The following PLCH1 variants were observed in gnomAD, a reference collection of about 807,000 sequenced individuals.
PLCH1 encodes 1-phosphatidylinositol 4,5-bisphosphate phosphodiesterase eta-1.
A neutral mutation model predicts 126.7 loss-of-function variants in PLCH1; 60 were observed. That is an observed-to-expected ratio of 0.47 (90% CI 0.38 to 0.59). The LOEUF is 0.59. Among genes scored for constraint, PLCH1 ranks in the 20% least tolerant of loss-of-function variants. The probability of loss-of-function intolerance (pLI) is 0.00; values close to 1 mark genes in which losing one functional copy is unlikely to be tolerated. For synonymous variants in PLCH1, 719 were observed against 734.9 expected (o/e 0.98, Z 0.35); for missense variants, 1,723 against 2,040.0 (o/e 0.84, Z 2.99).
chr3:155,504,753 C>T, intron 12 of PLCH1, 127 bp from the exon 13 acceptor site: 1 of 633,690 alleles, frequency 1.6e-6, no homozygotes, highest in Non-Finnish European at 2.8e-6. Context: ...AACAAGCAGA[C>T]TCCACTCATT....
At chr3:155,738,787 CAAAA>C (rs34836979) in intron 1 of PLCH1, among the ~76,000 whole-genome samples, 1 of 119,788 alleles carries the variant, frequency 8.3e-6, no homozygotes. Flanking sequence ...ACTCCACCTC[CAAAA>C]AAAAAAAAAA....
At chr3:155,469,664 T>G (rs530780691) in intron 21 of PLCH1, among the ~76,000 whole-genome samples, 1 of 152,034 alleles carries the variant, frequency 6.6e-6, no homozygotes, top group African/African-American at 2.4e-5. Context: ...CTCTGCAGAC[T>G]TAAATGTCCC....
chr3:155,578,419 C>T (rs1250148196), intron 6 of PLCH1, among the ~76,000 whole-genome samples: 1 of 152,068 alleles, frequency 6.6e-6, no homozygotes, highest in Non-Finnish European at 1.5e-5. Flanking sequence ...GATTATGATA[C>T]TAAGGTAAAG....
intron 2 of PLCH1, among the ~76,000 whole-genome samples, chr3:155,641,993 A>T (rs1159812300): frequency 6.6e-6 from 1 of 152,206 alleles, no homozygotes; most frequent in African/African-American, 2.4e-5. Flanking sequence ...TCCCAGTTGT[A>T]AGAAATAGTG....
chr3:155,727,972 C>T (rs1160646202), intron 1 of PLCH1, among the ~76,000 whole-genome samples: 1 of 152,052 alleles, frequency 6.6e-6, no homozygotes, highest in Non-Finnish European at 1.5e-5. Context: ...CAAAAGGCCC[C>T]TTCTCAGATG....
Position 155,568,231 on chromosome 3 carries a change from C to A in PLCH1, c.865G>T (p.Gly289Cys). The change falls in exon 7 of 23, where the codon GGC becomes TGC. Residue 289 changes from glycine to cysteine, a missense_variant and splice_region_variant. Physicochemically the swap from Gly to Cys is radical, Grantham distance 159. Coordinates refer to ENST00000460012, the MANE Select transcript of PLCH1 (RefSeq NM_014996.4). The stretch of plus-strand genomic sequence containing the variant: ...AAATAAAGAATATTGGTTATTTTAC[C>A]TTCTATGCCAAGAACATTTTTCACC... ...NKVKNVLGIEGFTNFMRSPAC... is the reference protein window; with the variant it reads ...NKVKNVLGIECFTNFMRSPAC... The A allele has an allele frequency of 7.8e-7, 1 of 1,283,760 alleles. No homozygotes were observed. The highest frequency in any genetic ancestry group is 1.1e-6 in the Non-Finnish European group (1 of 885,038). The allele number at this position is 1,283,760 out of a possible 1,614,324, so 79.5% of individuals were successfully genotyped here.
chr3:155,526,884 A>G (rs1431649303), intron 10 of PLCH1, among the ~76,000 whole-genome samples: 2 of 152,266 alleles, frequency 1.3e-5, no homozygotes, highest in African/African-American at 4.8e-5. Flanking sequence ...GGGGCAGAAC[A>G]AATCCACTGA....
At chr3:155,608,487 G>A (rs1033806365) in intron 2 of PLCH1, among the ~76,000 whole-genome samples, 5 of 151,542 alleles carry the variant, frequency 3.3e-5, no homozygotes, top group African/African-American at 1.2e-4. Context: ...TAAACTGCAC[G>A]AAGCTGCATG....
chr3:155,658,202 A>T (rs561076616), intron 2 of PLCH1: 2 of 203,688 alleles, frequency 9.8e-6, no homozygotes, highest in Admixed American at 9.0e-5. Flanking sequence ...AGGCAACATC[A>T]CTCTTGGGAC....
chr3:155,483,166 A>G, intron 22 of PLCH1, 115 bp from the exon 23 acceptor site: 1 of 1,052,658 alleles, frequency 9.5e-7, no homozygotes, highest in Non-Finnish European at 1.4e-6. Context: ...ACACTGTGAC[A>G]GAATATAATT....
At chr3:155,470,176 G>GA (rs1042836319) in intron 21 of PLCH1, among the ~76,000 whole-genome samples, 4 of 151,188 alleles carry the variant, frequency 2.6e-5, no homozygotes, top group African/African-American at 9.6e-5. Context: ...TGAAAACTTT[G>GA]AAAAAAATTT....
intron 2 of PLCH1, 110 bp from the exon 3 acceptor site, chr3:155,596,488 AC>A: frequency 1.2e-6 from 1 of 833,912 alleles, no homozygotes; most frequent in Non-Finnish European, 1.8e-6. Flanking sequence ...GACTCCAAGG[AC>A]CAGAACAAAT....
chr3:155,556,547 A>G (rs187479658), intron 8 of PLCH1, among the ~76,000 whole-genome samples: 2 of 152,346 alleles, frequency 1.3e-5, no homozygotes, highest in South Asian at 2.1e-4. Flanking sequence ...TTTCATGTCA[A>G]TGAGGCTTGG....
chr3:155,627,659 A>C (rs1304210494), intron 2 of PLCH1, among the ~76,000 whole-genome samples: 2 of 152,150 alleles, frequency 1.3e-5, no homozygotes, highest in African/African-American at 4.8e-5. Context: ...AATTGAAAAA[A>C]ATCTAAATGT....
intron 2 of PLCH1, among the ~76,000 whole-genome samples, chr3:155,677,078 C>G (rs925378487): frequency 6.6e-6 from 1 of 152,202 alleles, no homozygotes; most frequent in Non-Finnish European, 1.5e-5. Context: ...TGTAACTAAG[C>G]CTCTCATCCT....
intron 1 of PLCH1, among the ~76,000 whole-genome samples, chr3:155,710,657 AC>A (rs920892318): frequency 5.3e-5 from 8 of 151,974 alleles, no homozygotes; most frequent in African/African-American, 1.2e-4. Flanking sequence ...ACATGGTGAA[AC>A]CCCATCTCTA....
intron 2 of PLCH1, among the ~76,000 whole-genome samples, chr3:155,682,409 C>T (rs1189195801): frequency 6.6e-6 from 1 of 152,158 alleles, no homozygotes; most frequent in East Asian, 1.9e-4. Context: ...GAATGCTACT[C>T]TGAGTTCATA....
intron 4 of PLCH1, among the ~76,000 whole-genome samples, chr3:155,588,766 G>A (rs1731708660): frequency 6.6e-6 from 1 of 152,142 alleles, no homozygotes; most frequent in Non-Finnish European, 1.5e-5. Flanking sequence ...GAAATGTACA[G>A]TAGTCCTAAT....
intron 2 of PLCH1, among the ~76,000 whole-genome samples, chr3:155,660,427 T>C (rs1741996575): frequency 6.6e-6 from 1 of 152,218 alleles, no homozygotes; most frequent in African/African-American, 2.4e-5. Flanking sequence ...TCAACCCCTG[T>C]AGGTCTTACA....
Sources: gnomAD v4.1 joint callset for allele counts (sites outside exome capture counted in the v4.1 genomes callset) on GRCh38, gnomAD v4.1.1 for gene constraint, MANE v1.5 for transcripts, NCBI Gene and HGNC (gene_info 2026-07-23, HGNC 2026-07-21) for gene names.